Variants in NUP98 observed in about 807,000 individuals in gnomAD.
NUP98 encodes the protein nucleoporin 98 and 96 precursor, also known as nuclear pore complex protein Nup98-Nup96.
NUP98 carries 26 observed loss-of-function variants against 191.9 expected under a neutral mutation model. That is an observed-to-expected ratio of 0.14 (90% confidence interval 0.10 to 0.19). The LOEUF (loss-of-function observed/expected upper bound fraction) is 0.19, where lower values mean the gene tolerates loss of function less well. Among genes scored for constraint, NUP98 ranks in the 10% least tolerant of loss-of-function variants. The probability of loss-of-function intolerance (pLI) is 1.00; values close to 1 mark genes in which losing one functional copy is unlikely to be tolerated. For missense variants in NUP98, 1,941 were observed against 2,178.8 expected (o/e 0.89, Z 2.17); for synonymous variants, 808 against 778.4 (o/e 1.04, Z -0.63).
At chr11:3,721,530 A>T (rs1360859917) in intron 16 of NUP98, among the ~76,000 whole-genome samples, 2 of 151,966 alleles carry the variant, frequency 1.3e-5, no homozygotes. Context: ...AAAATCCATT[A>T]TCTACCAAAA....
At chr11:3,748,469 C>T (rs1356019481) in intron 11 of NUP98, among the ~76,000 whole-genome samples, 1 of 151,130 alleles carries the variant, frequency 6.6e-6, no homozygotes, top group Non-Finnish European at 1.5e-5. Context: ...TGCAGTGAGC[C>T]GAGATCACAC....
At chr11:3,784,993 C>G (rs957941323) in intron 1 of NUP98, among the ~76,000 whole-genome samples, 25 of 151,754 alleles carry the variant, frequency 1.6e-4, no homozygotes, top group African/African-American at 5.8e-4. Flanking sequence ...CAAAAATTAG[C>G]CAGGTGTGGT....
At chr11:3,719,817 T>G (rs1197122407) in intron 17 of NUP98, among the ~76,000 whole-genome samples, 1 of 151,258 alleles carries the variant, frequency 6.6e-6, no homozygotes, top group South Asian at 2.1e-4. Flanking sequence ...CAGACTGAAG[T>G]GCAGTGGTCC....
chr11:3,730,371 T>G (rs2079797076), intron 14 of NUP98, among the ~76,000 whole-genome samples: 1 of 152,250 alleles, frequency 6.6e-6, no homozygotes, highest in East Asian at 1.9e-4. Flanking sequence ...TCTTTTTTTT[T>G]TTGGAGGCCG....
At chr11:3,770,768 C>CT (rs1385317800) in intron 7 of NUP98, among the ~76,000 whole-genome samples, 3 of 152,178 alleles carry the variant, frequency 2.0e-5, no homozygotes, top group African/African-American at 7.2e-5. Flanking sequence ...TAATCATCAT[C>CT]TTTAACTCCT....
chr11:3,730,779 G>T (rs2079814877), intron 14 of NUP98, among the ~76,000 whole-genome samples: 1 of 152,164 alleles, frequency 6.6e-6, no homozygotes, highest in Admixed American at 6.5e-5. Context: ...TCCAGCCTGG[G>T]TGACAGAGTG....
At chr11:3,690,469 C>G (rs1359460295) in intron 28 of NUP98, among the ~76,000 whole-genome samples, 1 of 151,582 alleles carries the variant, frequency 6.6e-6, no homozygotes, top group Non-Finnish European at 1.5e-5. Context: ...ACTGTGTTAG[C>G]CAGGATGGTC....
rs1242691189 is a variant in NUP98 at position 3,731,443 on chromosome 11, C to T, written c.1678G>A (p.Asp560Asn). Residue 560 changes from aspartate to asparagine, a missense_variant, in exon 14 of 33, where the codon GAT (aspartate) becomes AAT (asparagine). Transcript: ENST00000324932. ...GATGGTTCATCGTCATCCAGCCCATCAAAGAGATGTGACTTGGCTGTGCCT... is the reference window on the plus strand; with the variant it reads ...GATGGTTCATCGTCATCCAGCCCATTAAAGAGATGTGACTTGGCTGTGCCT... ...TTGTAKSHLF[D>N]GLDDDEPSLA... The T allele has an allele frequency of 1.9e-6, 3 of 1,607,070 alleles. No homozygotes were observed. The South Asian group carries it at 3.4e-5, about 18-fold the overall frequency.
At position 3,726,501 on chromosome 11, in the gene NUP98, T is replaced by C. The variant is rs544716231; in HGVS notation, c.1731-1282A>G. Among the ~76,000 whole-genome samples, 11 of 148,322 alleles carry C rather than the reference T, an allele frequency of 7.4e-5. No homozygotes were observed. The East Asian group carries it at 2.0e-3, about 26-fold the overall frequency. On this transcript the variant is annotated intron_variant, in intron 14 of 32. Transcript: ENST00000324932. ...TCAATGTTGGGAATGAAAAAGTAGG[T>C]GTCCCTATAGACGCCACTGACATTA... is the stretch of plus-strand genomic sequence containing the variant.
At chr11:3,713,760 A>T in intron 19 of NUP98, 58 bp downstream of exon 19, 1 of 1,507,644 alleles carries the variant, frequency 6.6e-7, no homozygotes, top group African/African-American at 1.4e-5. Flanking sequence ...TCCAACATAA[A>T]CGTTATGTGA....
At chr11:3,776,253 C>T (rs2081726249) in intron 4 of NUP98, among the ~76,000 whole-genome samples, 1 of 151,526 alleles carries the variant, frequency 6.6e-6, no homozygotes, top group Non-Finnish European at 1.5e-5. Flanking sequence ...TCCCAAGTAG[C>T]TGGGACCACA....
At chr11:3,735,750 T>A (rs1363286184) in intron 12 of NUP98, among the ~76,000 whole-genome samples, 8 of 22,058 alleles carry the variant, frequency 3.6e-4, no homozygotes, top group Non-Finnish European at 7.0e-4. Flanking sequence ...GGGCAAGTAG[T>A]GTGTGTGTGT....
At chr11:3,731,697 T>C (rs1166614015) in intron 13 of NUP98, 119 bp from the exon 14 acceptor site, 1 of 617,818 alleles carries the variant, frequency 1.6e-6, no homozygotes, top group Non-Finnish European at 2.6e-6. Context: ...TAGATACCTG[T>C]TGAAGTCTCT....
Position 3,683,214 on chromosome 11 carries a change from C to T in NUP98, c.4904G>A (p.Arg1635Gln), listed in dbSNP as rs111586358. ...CCAGCACTCACCAGAAGCTAAGTGT[C>T]GGATGATGAGCTTGTGGCAGCGGTT... ...HWNRCHKLII[R>Q]HLASDAIINE... Residue 1635 changes from arginine (R) to glutamine (Q), a missense_variant, in exon 30 of 33, where the codon CGA becomes CAA. Physicochemically the swap from Arg to Gln is conservative, Grantham distance 43 (BLOSUM62 1). Coordinates refer to ENST00000324932, the MANE Select transcript of NUP98 (RefSeq NM_016320.5). The T allele has an allele frequency of 1.6e-3, 2,528 of 1,614,110 alleles. 8 individuals are homozygous for T. The African/African-American group carries it at 0.018, about 11-fold the overall frequency.
rs2079485528 is a variant in NUP98, at chr11:3,723,424, T to C, written c.1879A>G (p.Asn627Asp). 6.2e-7 allele frequency: 1 copy of C among 1,614,092 alleles called. No individual in the cohort carries two copies. The highest frequency in any genetic ancestry group is 8.5e-7 in the Non-Finnish European group (1 of 1,179,982). Residue 627 changes from asparagine (N) to aspartate (D), a missense_variant, in exon 16 of 33, where the codon AAT (asparagine) becomes GAT (aspartate). Asn to Asp is a conservative substitution (Grantham distance 23). Around this residue, in one of 6 missense-constraint regions of NUP98, gnomAD observed 453 missense variants for 438.2 expected, o/e 1.03. Transcript: ENST00000324932. The part of the protein sequence containing the change: ...FSFLSKPVDE[N>D]HQQDGDEDSL... ...TCTTCATCTCCATCCTGCTGGTGAT[T>C]CTCATCAACAGGTTTGCTTAGGAAA...
At chr11:3,684,766 C>CAAAAAAAAAAAA (rs71041370) in intron 29 of NUP98, among the ~76,000 whole-genome samples, 45 of 101,804 alleles carry the variant, frequency 4.4e-4, no homozygotes, top group African/African-American at 1.4e-3. Flanking sequence ...TTTCACAGGC[C>CAAAAAAAAAAAA]AAAAAAAAAA....
intron 8 of NUP98, among the ~76,000 whole-genome samples, chr11:3,766,707 AAAAG>A (rs2081352260): frequency 6.6e-6 from 1 of 151,844 alleles, no homozygotes; most frequent in Non-Finnish European, 1.5e-5. Flanking sequence ...AAAAAAAAAA[AAAAG>A]AGAGAAGCCT....
intron 10 of NUP98, among the ~76,000 whole-genome samples, chr11:3,756,965 A>G (rs958250228): frequency 3.3e-5 from 5 of 151,736 alleles, no homozygotes; most frequent in Admixed American, 6.6e-5. Context: ...GCATGCGCCT[A>G]CAGTCCCAGC....
chr11:3,765,346 A>G (rs942891186), intron 8 of NUP98, among the ~76,000 whole-genome samples: 2 of 152,216 alleles, frequency 1.3e-5, no homozygotes, highest in Non-Finnish European at 2.9e-5. Context: ...GATGACAAGC[A>G]TGTACTAAAA....
Sources: allele counts gnomAD v4.1 joint callset (sites outside exome capture counted in the v4.1 genomes callset), GRCh38; gene constraint gnomAD v4.1.1; regional missense constraint gnomAD v4.1.1; transcripts MANE v1.5; gene names NCBI Gene and HGNC (gene_info 2026-07-23, HGNC 2026-07-21).